Variants in SLC5A4 observed in about 807,000 individuals in gnomAD.
The protein encoded by SLC5A4 is solute carrier family 5 member 4.
SLC5A4 carries 55 observed loss-of-function variants against 70.3 expected under a neutral mutation model. That is an observed-to-expected ratio of 0.78 (90% confidence interval 0.63 to 0.98). The LOEUF (loss-of-function observed/expected upper bound fraction) is 0.98, where lower values mean the gene tolerates loss of function less well. SLC5A4 is among the 50% of genes least tolerant of loss of function. The pLI is 0.00. For synonymous variants in SLC5A4, 268 were observed against 305.7 expected (o/e 0.88, Z 1.29); for missense variants, 735 against 839.2 (o/e 0.88, Z 1.53).
chr22:32,255,472 G>C (rs563867295), upstream of SLC5A4: 12 of 819,798 alleles, frequency 1.5e-5, no homozygotes, highest in Non-Finnish European at 2.0e-5. Flanking sequence ...CTCCAAAGCT[G>C]TGGCACCCCA....
intron 5 of SLC5A4, among the ~76,000 whole-genome samples, chr22:32,245,918 G>A (rs946810694): frequency 1.1e-4 from 17 of 152,326 alleles, no homozygotes; most frequent in African/African-American, 3.6e-4. Context: ...TGAACTCTAA[G>A]CCCCTGACAC....
the SLC5A4 span, among the ~76,000 whole-genome samples, chr22:32,329,368 G>T: frequency 6.6e-6 from 1 of 152,222 alleles, no homozygotes; most frequent in Non-Finnish European, 1.5e-5. Flanking sequence ...AAACACTCAA[G>T]AAATGTATGT....
chr22:32,241,449 T>G (rs1246014553), intron 5 of SLC5A4, among the ~76,000 whole-genome samples: 1 of 152,228 alleles, frequency 6.6e-6, no homozygotes, highest in East Asian at 1.9e-4. Context: ...ATGGTGGGGA[T>G]GGAAGAGAAC....
chr22:32,307,577 G>C, the SLC5A4 span, among the ~76,000 whole-genome samples: 1 of 152,182 alleles, frequency 6.6e-6, no homozygotes, highest in Non-Finnish European at 1.5e-5. Flanking sequence ...TTTCTAGGAG[G>C]ATCCTGACCT....
chr22:32,256,824 G>A (rs1927512274), upstream of SLC5A4, among the ~76,000 whole-genome samples: 1 of 152,136 alleles, frequency 6.6e-6, no homozygotes, highest in Non-Finnish European at 1.5e-5. Flanking sequence ...AACTGTTGAT[G>A]GGCATTCAGG....
chr22:32,238,222 A>G (rs1926176938), intron 6 of SLC5A4, among the ~76,000 whole-genome samples: 1 of 151,412 alleles, frequency 6.6e-6, no homozygotes, highest in Admixed American at 6.6e-5. Flanking sequence ...CTGTCTTTAA[A>G]AGCCTCTCCT....
chr22:32,222,062 A>G (rs899552225), intron 13 of SLC5A4, among the ~76,000 whole-genome samples: 20 of 152,340 alleles, frequency 1.3e-4, no homozygotes, highest in Middle Eastern at 3.4e-3. Flanking sequence ...CAGCCTATCA[A>G]TGGTTTTTAA....
intron 5 of SLC5A4, among the ~76,000 whole-genome samples, chr22:32,245,712 G>A (rs1214108789): frequency 6.6e-6 from 1 of 152,144 alleles, no homozygotes; most frequent in Non-Finnish European, 1.5e-5. Flanking sequence ...GTAGAGACGA[G>A]GTTTCACCAT....
At chr22:32,247,314 C>T in intron 5 of SLC5A4, 97 bp downstream of exon 5, 1 of 741,058 alleles carries the variant, frequency 1.3e-6, no homozygotes, top group South Asian at 1.5e-5. Flanking sequence ...CCTTTAAAGG[C>T]TGTTGACAGT....
the SLC5A4 span, among the ~76,000 whole-genome samples, chr22:32,321,712 T>C: frequency 3.3e-5 from 5 of 152,184 alleles, no homozygotes; most frequent in Non-Finnish European, 7.4e-5. Flanking sequence ...AGTGAGAGCA[T>C]GTGGTATTGG....
the SLC5A4 span, among the ~76,000 whole-genome samples, chr22:32,262,153 A>G: frequency 6.6e-6 from 1 of 152,200 alleles, no homozygotes; most frequent in African/African-American, 2.4e-5. Context: ...ATATCTCTTC[A>G]ATATAGTGAT....
the SLC5A4 span, among the ~76,000 whole-genome samples, chr22:32,304,478 T>C: frequency 6.6e-6 from 1 of 152,102 alleles, no homozygotes; most frequent in South Asian, 2.1e-4. Flanking sequence ...AGGGTCTCAC[T>C]GTAGCTACCA....
chr22:32,238,932 G>T, intron 6 of SLC5A4, 53 bp downstream of exon 6: 1 of 1,209,236 alleles, frequency 8.3e-7, no homozygotes, highest in Non-Finnish European at 1.2e-6. Context: ...TTGCAGGTTG[G>T]GGTGGGATCA....
the SLC5A4 span, among the ~76,000 whole-genome samples, chr22:32,292,154 TTA>T: frequency 1.6e-4 from 8 of 50,786 alleles, no homozygotes; most frequent in African/African-American, 3.3e-4. Flanking sequence ...ATTCTATATA[TTA>T]TATATATAAT....
chr22:32,258,077 G>C (rs892453366), upstream of SLC5A4, among the ~76,000 whole-genome samples: 1 of 150,596 alleles, frequency 6.6e-6, no homozygotes, highest in Non-Finnish European at 1.5e-5. Context: ...CCCCCACCTC[G>C]CAGGTTCAAG....
the SLC5A4 span, among the ~76,000 whole-genome samples, chr22:32,331,429 T>C: frequency 6.6e-6 from 1 of 152,160 alleles, no homozygotes; most frequent in Non-Finnish European, 1.5e-5. Context: ...TCAGCTCCCC[T>C]GGTCTCCAGG....
the SLC5A4 span, chr22:32,273,192 C>T: frequency 2.7e-6 from 1 of 369,600 alleles, no homozygotes. Context: ...TATATACTTT[C>T]TGGAAGACCA....
the SLC5A4 span, among the ~76,000 whole-genome samples, chr22:32,347,261 T>C: frequency 1.3e-5 from 2 of 152,222 alleles, no homozygotes; most frequent in African/African-American, 4.8e-5. Context: ...TTGGTGGGAC[T>C]GTAAACTAGT....
At chr22:32,306,032 T>G in the SLC5A4 span, among the ~76,000 whole-genome samples, 4 of 152,188 alleles carry the variant, frequency 2.6e-5, no homozygotes, top group East Asian at 1.9e-4. Context: ...TCCCTGGTCC[T>G]CCATCCTCCC....
Sources: gnomAD v4.1 joint callset for allele counts (sites outside exome capture counted in the v4.1 genomes callset) on GRCh38, gnomAD v4.1.1 for gene constraint, MANE v1.5 for transcripts, NCBI Gene and HGNC (gene_info 2026-07-23, HGNC 2026-07-21) for gene names.